The following MYO1H variants were observed in gnomAD, a reference collection of about 807,000 sequenced individuals.
MYO1H encodes the protein myosin IH.
Under a neutral mutation model 149.3 loss-of-function variants are expected in MYO1H, and 118 were observed. That is an observed-to-expected ratio of 0.79 (90% CI 0.68 to 0.92). MYO1H has a LOEUF of 0.92. Among genes scored for constraint, MYO1H ranks in the 40% least tolerant of loss-of-function variants. The probability of loss-of-function intolerance (pLI) is 0.00; values close to 1 mark genes in which losing one functional copy is unlikely to be tolerated. For missense variants in MYO1H, 1,212 were observed against 1,280.7 expected, an observed-to-expected ratio of 0.95 and a Z score of 0.82; for synonymous variants, 447 against 465.2, an observed-to-expected ratio of 0.96 and a Z score of 0.50.
At chr12:109,386,593 A>G (rs1869322534) in intron 1 of MYO1H, among the ~76,000 whole-genome samples, 1 of 152,206 alleles carries the variant, frequency 6.6e-6, no homozygotes, top group Admixed American at 6.5e-5. Flanking sequence ...CTGATGACTA[A>G]CAATGTTGAC....
intron 31 of MYO1H, chr12:109,446,039 T>G (rs544363274): frequency 9.0e-5 from 89 of 985,280 alleles, no homozygotes; most frequent in Non-Finnish European, 4.5e-5. Flanking sequence ...CAAGAAAATA[T>G]AAACGTAAGA....
At chr12:109,334,783 G>A in the MYO1H span, among the ~76,000 whole-genome samples, 1 of 152,104 alleles carries the variant, frequency 6.6e-6, no homozygotes, top group Non-Finnish European at 1.5e-5. Flanking sequence ...TATTGAGAGA[G>A]AATTCACATA....
At chr12:109,336,597 T>C in the MYO1H span, among the ~76,000 whole-genome samples, 1 of 152,164 alleles carries the variant, frequency 6.6e-6, no homozygotes, top group Admixed American at 6.5e-5. Context: ...AGTTTAGCAA[T>C]TTCAGTAGAA....
chr12:109,326,229 G>T, the MYO1H span, among the ~76,000 whole-genome samples: 1 of 152,218 alleles, frequency 6.6e-6, no homozygotes, highest in South Asian at 2.1e-4. Flanking sequence ...CTGTCCAGTT[G>T]CCCAGGGCCC....
At chr12:109,422,302 C>G (rs1430500964) in intron 16 of MYO1H, among the ~76,000 whole-genome samples, 1 of 152,190 alleles carries the variant, frequency 6.6e-6, no homozygotes, top group East Asian at 1.9e-4. Context: ...TCTGCCACTT[C>G]TGGGACTGCT....
intron 10 of MYO1H, among the ~76,000 whole-genome samples, chr12:109,409,225 T>TTCTTCTTCTTCTTCTTC (rs1566031713): frequency 7.2e-4 from 76 of 105,078 alleles, no homozygotes; most frequent in Non-Finnish European, 9.5e-4. Flanking sequence ...CCTTCTTCTT[T>TTCTTCTTCTTCTTCTTC]TTCTTCTTCT....
chr12:109,406,897 C>T (rs12425103), intron 9 of MYO1H, 37 bp downstream of exon 9: 463,244 of 1,576,890 alleles, frequency 0.29, 71,500 homozygotes, highest in Admixed American at 0.42. Flanking sequence ...GCCAGCCCTC[C>T]CTGCTGCTGC....
At chr12:109,430,239 G>T (rs1871552784) in intron 19 of MYO1H, among the ~76,000 whole-genome samples, 1 of 152,202 alleles carries the variant, frequency 6.6e-6, no homozygotes, top group Admixed American at 6.5e-5. Flanking sequence ...GCTGGGGACA[G>T]AGGCAAGGGG....
chr12:109,374,872 C>T lies in MYO1H; in HGVS notation c.13-13811C>T, dbSNP rs927321939. On this transcript the variant is annotated intron_variant, in intron 1 of 31. Transcript: ENST00000310903. ...ATTGGCCATTTGATTTTTTTTTTTTCGAGACGAAGTCTGGCTCTGTTGCCC... is the reference window on the plus strand; with the variant it reads ...ATTGGCCATTTGATTTTTTTTTTTTTGAGACGAAGTCTGGCTCTGTTGCCC... 3.1e-3 allele frequency among the ~76,000 whole-genome samples: 363 copies of T among 118,830 alleles called. 2 individuals carry two copies. The highest frequency in any genetic ancestry group is 2.7e-3 in the Non-Finnish European group (156 of 57,798). 78.0% of individuals were successfully genotyped at this position (118,830 alleles called of 152,430 possible).
At chr12:109,374,485 T>C (rs1869051147) in intron 1 of MYO1H, among the ~76,000 whole-genome samples, 1 of 152,234 alleles carries the variant, frequency 6.6e-6, no homozygotes, top group South Asian at 2.1e-4. Context: ...GTGGTATGAC[T>C]ATACCACTGT....
At chr12:109,390,825 C>G (rs1869618525) in intron 2 of MYO1H, among the ~76,000 whole-genome samples, 1 of 152,090 alleles carries the variant, frequency 6.6e-6, no homozygotes, top group African/African-American at 2.4e-5. Context: ...GCCACCACGC[C>G]TGGCTAATTT....
intron 19 of MYO1H, among the ~76,000 whole-genome samples, chr12:109,428,244 G>A (rs536354569): frequency 6.6e-6 from 1 of 152,208 alleles, no homozygotes; most frequent in Non-Finnish European, 1.5e-5. Flanking sequence ...ACAGGCCTCT[G>A]AATTAGCAGG....
chr12:109,341,229 C>CAAA, the MYO1H span, among the ~76,000 whole-genome samples: 13,249 of 113,700 alleles, frequency 0.12, 1,030 homozygotes, highest in African/African-American at 0.18. Context: ...CGTTCCATCT[C>CAAA]AAAAAAAAAA....
chr12:109,336,619 C>G, the MYO1H span, among the ~76,000 whole-genome samples: 1 of 152,312 alleles, frequency 6.6e-6, no homozygotes, highest in East Asian at 1.9e-4. Context: ...AAAATAAGGA[C>G]TTTTCTCTCT....
chr12:109,346,512 G>A (rs2048103016), upstream of MYO1H, among the ~76,000 whole-genome samples: 1 of 152,244 alleles, frequency 6.6e-6, no homozygotes, highest in Non-Finnish European at 1.5e-5. Flanking sequence ...TGTAATTCCA[G>A]CACTTTGGGA....
intron 6 of MYO1H, among the ~76,000 whole-genome samples, chr12:109,403,247 TA>T (rs982705065): frequency 9.2e-5 from 14 of 151,958 alleles, no homozygotes; most frequent in African/African-American, 2.7e-4. Context: ...GTTACATATG[TA>T]AAAAAAAATT....
the MYO1H span, among the ~76,000 whole-genome samples, chr12:109,318,979 T>TTTTTTTTA: frequency 7.1e-6 from 1 of 141,044 alleles, no homozygotes; most frequent in Non-Finnish European, 1.5e-5. Context: ...TTTGTTTTTT[T>TTTTTTTTA]TTTTTTTTTT....
chr12:109,322,601 A>C, the MYO1H span, among the ~76,000 whole-genome samples: 1 of 151,668 alleles, frequency 6.6e-6, no homozygotes, highest in African/African-American at 2.4e-5. Flanking sequence ...CAGGTGGATC[A>C]TGAGGTCCAG....
rs1013303985 is a variant in MYO1H at position 109,402,289 on chromosome 12, A to G, written c.750+1017A>G. ...ATGTCATTAACACCTTTTTAGTCCC[A>G]ACATTTTTTTTATTTTTCTCTTCTC... On this transcript the variant is annotated intron_variant, in intron 6 of 31. Transcript: ENST00000310903. Among the ~76,000 whole-genome samples, 16 of 152,302 alleles carry G rather than the reference A, an allele frequency of 1.1e-4. No individual in the cohort carries two copies. In the Middle Eastern group the frequency reaches 0.02, roughly 194 times the overall value.
Sources: gnomAD v4.1 joint callset for allele counts (sites outside exome capture counted in the v4.1 genomes callset) on GRCh38, gnomAD v4.1.1 for gene constraint, MANE v1.5 for transcripts, NCBI Gene and HGNC (gene_info 2026-07-23, HGNC 2026-07-21) for gene names.